Variants in HEMK2 observed in about 807,000 individuals in gnomAD.
HEMK2 encodes the protein HemK methyltransferase 2, ETF1 glutamine and histone H4 lysine.
At chr21:28,826,900 A>G in the HEMK2 span, among the ~76,000 whole-genome samples, 4 of 152,164 alleles carry the variant, frequency 2.6e-5, no homozygotes, top group Non-Finnish European at 4.4e-5. Flanking sequence ...CAAGTACCCT[A>G]TGTCCTTCTG....
chr21:28,639,308 G>A, the HEMK2 span, among the ~76,000 whole-genome samples: 2 of 152,136 alleles, frequency 1.3e-5, no homozygotes, highest in South Asian at 4.2e-4. Flanking sequence ...ACATACCAAT[G>A]GCCAATCCTT....
chr21:28,813,731 A>C, the HEMK2 span, among the ~76,000 whole-genome samples: 5 of 152,208 alleles, frequency 3.3e-5, no homozygotes, highest in African/African-American at 7.2e-5. Context: ...AAACAGATCT[A>C]CAGACCAATG....
chr21:28,660,639 A>G, the HEMK2 span, among the ~76,000 whole-genome samples: 1 of 151,892 alleles, frequency 6.6e-6, no homozygotes, highest in Admixed American at 6.6e-5. Flanking sequence ...ATATATTGTT[A>G]TATTTGGTTA....
At chr21:28,841,262 AAT>A in the HEMK2 span, among the ~76,000 whole-genome samples, 70 of 5,110 alleles carry the variant, frequency 0.014, 1 homozygote, top group East Asian at 0.25. Context: ...TATTATATAT[AAT>A]ATATATTATA....
the HEMK2 span, among the ~76,000 whole-genome samples, chr21:28,753,970 GT>G: frequency 2.0e-5 from 3 of 152,110 alleles, no homozygotes; most frequent in South Asian, 4.1e-4. Flanking sequence ...CTTTTCATCT[GT>G]TTTTGTCTTT....
At chr21:28,707,504 C>T in the HEMK2 span, among the ~76,000 whole-genome samples, 10 of 152,064 alleles carry the variant, frequency 6.6e-5, no homozygotes, top group African/African-American at 2.4e-4. Context: ...AATCCACCTG[C>T]CTCGGCCTCC....
the HEMK2 span, among the ~76,000 whole-genome samples, chr21:28,592,832 A>G: frequency 6.6e-6 from 1 of 152,212 alleles, no homozygotes; most frequent in Non-Finnish European, 1.5e-5. Flanking sequence ...TACTGCACAA[A>G]GGACATGTCG....
At chr21:28,754,316 C>A in the HEMK2 span, among the ~76,000 whole-genome samples, 2 of 152,214 alleles carry the variant, frequency 1.3e-5, no homozygotes, top group African/African-American at 4.8e-5. Flanking sequence ...TTCTGGTGAA[C>A]CAATCAACAG....
the HEMK2 span, chr21:28,882,355 GAA>G: frequency 1.2e-5 from 7 of 572,222 alleles, no homozygotes; most frequent in Middle Eastern, 3.0e-4. Flanking sequence ...AACAGATTTA[GAA>G]AAAAAAAAAT....
the HEMK2 span, among the ~76,000 whole-genome samples, chr21:28,617,652 T>C: frequency 6.6e-6 from 1 of 152,250 alleles, no homozygotes; most frequent in Non-Finnish European, 1.5e-5. Flanking sequence ...GCTCATGATA[T>C]GGCACTTTGT....
At chr21:28,575,632 T>C in the HEMK2 span, among the ~76,000 whole-genome samples, 1 of 152,230 alleles carries the variant, frequency 6.6e-6, no homozygotes, top group African/African-American at 2.4e-5. Flanking sequence ...GAGGTATTAT[T>C]TACATCCAAT....
At chr21:28,837,658 A>T in the HEMK2 span, among the ~76,000 whole-genome samples, 1 of 152,102 alleles carries the variant, frequency 6.6e-6, no homozygotes, top group Non-Finnish European at 1.5e-5. Flanking sequence ...AACAAACCAA[A>T]CTCAAACCCA....
chr21:28,673,764 T>C, the HEMK2 span, among the ~76,000 whole-genome samples: 2 of 101,852 alleles, frequency 2.0e-5, no homozygotes, highest in South Asian at 7.1e-4. Flanking sequence ...TATATGGTCA[T>C]ATGAATATAT....
At chr21:28,632,350 G>A in the HEMK2 span, among the ~76,000 whole-genome samples, 1 of 152,188 alleles carries the variant, frequency 6.6e-6, no homozygotes, top group Admixed American at 6.5e-5. Flanking sequence ...TTTTATCAGA[G>A]TAAGAACTCT....
the HEMK2 span, among the ~76,000 whole-genome samples, chr21:28,795,866 C>T: frequency 6.6e-6 from 1 of 152,140 alleles, no homozygotes; most frequent in Non-Finnish European, 1.5e-5. Context: ...ATATTGAAGG[C>T]TTGGCCTGAG....
the HEMK2 span, among the ~76,000 whole-genome samples, chr21:28,774,877 T>C: frequency 6.6e-6 from 1 of 152,340 alleles, no homozygotes; most frequent in Non-Finnish European, 1.5e-5. Flanking sequence ...GAAAAGATTA[T>C]CTCTTCAACT....
At chr21:28,588,551 A>G in the HEMK2 span, among the ~76,000 whole-genome samples, 2 of 152,226 alleles carry the variant, frequency 1.3e-5, no homozygotes, top group Non-Finnish European at 2.9e-5. Context: ...GGGGTGGAGA[A>G]TTCAAACCAG....
At chr21:28,636,933 G>A in the HEMK2 span, among the ~76,000 whole-genome samples, 48 of 152,250 alleles carry the variant, frequency 3.2e-4, no homozygotes, top group Non-Finnish European at 5.0e-4. Flanking sequence ...TAGAAGCCAC[G>A]TGACAGAAGC....
chr21:28,819,383 C>T, the HEMK2 span, among the ~76,000 whole-genome samples: 12,455 of 150,478 alleles, frequency 0.083, 1,173 homozygotes, highest in African/African-American at 0.22. Context: ...AGTCTTTTAA[C>T]TTTTTTTTAT....
Sources: gnomAD v4.1 joint callset for allele counts (sites outside exome capture counted in the v4.1 genomes callset) on GRCh38, gnomAD v4.1.1 for gene constraint, MANE v1.5 for transcripts, NCBI Gene and HGNC (gene_info 2026-07-23, HGNC 2026-07-21) for gene names.